Variants in NPR3 observed in about 807,000 individuals in gnomAD.
The protein encoded by NPR3 is natriuretic peptide receptor 3.
In NPR3, 34 loss-of-function variants were observed where a neutral mutation model predicts 54.5. That is an observed-to-expected ratio of 0.62 (90% CI 0.47 to 0.83). The LOEUF is 0.83. Among genes scored for constraint, NPR3 ranks in the 40% least tolerant of loss-of-function variants. The pLI is 0.00. For synonymous variants in NPR3, 289 were observed against 297.1 expected (o/e 0.97, Z 0.28); for missense variants, 674 against 720.8 (o/e 0.94, Z 0.74).
At chr5:32,736,123 C>T (rs1031825926) in intron 2 of NPR3, among the ~76,000 whole-genome samples, 6 of 149,468 alleles carry the variant, frequency 4.0e-5, no homozygotes, top group Admixed American at 6.7e-5. Flanking sequence ...CCCAGCTACT[C>T]GGGAGGCTGA....
intron 2 of NPR3, among the ~76,000 whole-genome samples, chr5:32,728,860 T>TATATATATATATAC (rs1739291836): frequency 7.6e-6 from 1 of 131,500 alleles, no homozygotes; most frequent in Non-Finnish European, 1.6e-5. Flanking sequence ...TATATATATA[T>TATATATATATATAC]ATATATATAT....
rs1030937527 is a variant in NPR3, at chr5:32,786,445, C to T, written c.*100C>T. ...ACAGAAGGGGCGTTCTTGAAGAATT[C>T]ATAATTTTAAGCAGTTAGTAATTTC... On this transcript the variant is annotated 3_prime_UTR_variant, in exon 8 of 8. Transcript: ENST00000265074. 4.6e-6 allele frequency: 3 copies of T among 653,520 alleles called. No homozygotes were observed. The highest frequency in any genetic ancestry group is 8.2e-6 in the Non-Finnish European group (3 of 366,540). 40.5% of individuals were successfully genotyped at this position (653,520 alleles called of 1,614,324 possible). A position where few individuals can be genotyped will look rare whatever the true frequency, so the allele number is the denominator to read the frequency against.
chr5:32,721,471 T>C (rs538191099), intron 1 of NPR3, among the ~76,000 whole-genome samples: 79 of 152,090 alleles, frequency 5.2e-4, no homozygotes, highest in Non-Finnish European at 9.0e-4. Context: ...GACAAAACTC[T>C]ATCTATACAA....
chr5:32,706,896 A>G (rs1356171398), upstream of NPR3, among the ~76,000 whole-genome samples: 1 of 152,186 alleles, frequency 6.6e-6, no homozygotes, highest in East Asian at 1.9e-4. Flanking sequence ...AGTGTCTTGA[A>G]CTTGATGAAT....
intron 1 of NPR3, among the ~76,000 whole-genome samples, chr5:32,695,389 G>T (rs971911437): frequency 6.6e-6 from 1 of 152,024 alleles, no homozygotes; most frequent in South Asian, 2.1e-4. Context: ...CTCAGCCTCC[G>T]GACTAGCTGG....
intron 3 of NPR3, among the ~76,000 whole-genome samples, chr5:32,749,004 A>G (rs544262426): frequency 3.3e-5 from 5 of 152,228 alleles, no homozygotes; most frequent in African/African-American, 1.2e-4. Context: ...TTTAATTTCC[A>G]AGAGCTCTCT....
rs1251838391 is a variant in NPR3, at chr5:32,711,914, G to C, written c.138G>C (p.Glu46Asp). Residue 46 changes from glutamate (E) to aspartate (D), a missense_variant, in exon 1 of 8, where the codon GAG becomes GAC. By Grantham distance (45) the Glu-to-Asp change is conservative. Coordinates refer to ENST00000265074, the MANE Select transcript of NPR3 (RefSeq NM_001204375.2). ...TAGGCGGCGGACGCCAGGAGAGAGA[G>C]GCGCTGCCGCCACAGAAGATCGAGG... ...AGIGGGRQER[E>D]ALPPQKIEVL... The C allele has an allele frequency of 2.0e-6, 3 of 1,493,628 alleles. No homozygotes were observed. Among genetic ancestry groups the C allele is most frequent in the Non-Finnish European group, 2.7e-6 (3 of 1,119,898 alleles). 92.5% of individuals were successfully genotyped at this position (1,493,628 alleles called of 1,614,324 possible). A position where few individuals can be genotyped will look rare whatever the true frequency, so the allele number is the denominator to read the frequency against.
intron 1 of NPR3, among the ~76,000 whole-genome samples, chr5:32,692,858 C>T (rs1454412841): frequency 2.6e-5 from 4 of 152,150 alleles, no homozygotes; most frequent in African/African-American, 4.8e-5. Flanking sequence ...TGGTGGCTCA[C>T]GCCGGTAATC....
chr5:32,696,773 A>G (rs1371799591), intron 1 of NPR3, among the ~76,000 whole-genome samples: 1 of 151,900 alleles, frequency 6.6e-6, no homozygotes, highest in Non-Finnish European at 1.5e-5. Flanking sequence ...AAGCGGGATT[A>G]CTCTCTTGAT....
chr5:32,774,959 C>G (rs915231362), intron 4 of NPR3, 116 bp downstream of exon 4: 3 of 779,104 alleles, frequency 3.9e-6, no homozygotes, highest in African/African-American at 3.4e-5. Flanking sequence ...TTTCTCAGCT[C>G]TAAAGCAGCC....
At chr5:32,695,352 C>T (rs995992775) in intron 1 of NPR3, among the ~76,000 whole-genome samples, 1 of 152,196 alleles carries the variant, frequency 6.6e-6, no homozygotes, top group Admixed American at 6.5e-5. Flanking sequence ...GCAAGCTCCG[C>T]CTGCTGGGTT....
chr5:32,713,215 C>T, intron 1 of NPR3: 1 of 985,448 alleles, frequency 1.0e-6, no homozygotes, highest in Non-Finnish European at 1.2e-6. Flanking sequence ...TGTTCTGCAA[C>T]GCAGTTTCTA....
intron 1 of NPR3, among the ~76,000 whole-genome samples, chr5:32,700,814 G>A (rs1414268741): frequency 6.6e-6 from 1 of 152,134 alleles, no homozygotes; most frequent in Non-Finnish European, 1.5e-5. Flanking sequence ...CATTTGGATT[G>A]GTTCCAAGTC....
intron 2 of NPR3, among the ~76,000 whole-genome samples, chr5:32,729,149 C>T (rs1229905296): frequency 5.3e-5 from 8 of 149,586 alleles, no homozygotes; most frequent in Non-Finnish European, 1.5e-5. Flanking sequence ...CCTGCCTCAG[C>T]CTCCCAAGTA....
intron 1 of NPR3, among the ~76,000 whole-genome samples, chr5:32,699,133 A>G (rs1354121759): frequency 1.3e-5 from 2 of 151,898 alleles, no homozygotes; most frequent in African/African-American, 4.8e-5. Context: ...TTTTTTATGT[A>G]TGTGTTGTAT....
upstream of NPR3, chr5:32,710,808 T>C: frequency 2.7e-6 from 4 of 1,502,244 alleles, no homozygotes; most frequent in East Asian, 2.6e-5. Flanking sequence ...CACCTAAGGA[T>C]TTTTGCACCG....
At chr5:32,783,056 T>C (rs1279832134) in intron 6 of NPR3, 28 bp downstream of exon 6, 1 of 1,581,214 alleles carries the variant, frequency 6.3e-7, no homozygotes, top group Admixed American at 1.8e-5. Flanking sequence ...ATTTGCTATG[T>C]ATGTCATCAC....
At position 32,711,848 on chromosome 5, in the gene NPR3, C is replaced by T. The variant is rs957860113; in HGVS notation, c.72C>T (p.Thr24=). 50 of 1,461,804 alleles carry T rather than the reference C, an allele frequency of 3.4e-5. No individual in the cohort carries two copies. Among genetic ancestry groups the T allele is most frequent in the Non-Finnish European group, 3.9e-5 (43 of 1,109,170 alleles). 90.6% of individuals were successfully genotyped at this position (1,461,804 alleles called of 1,614,324 possible). A position where few individuals can be genotyped will look rare whatever the true frequency, so the allele number is the denominator to read the frequency against. Residue 24 remains threonine, a synonymous_variant, in exon 1 of 8, where the codon ACC becomes ACT. Transcript: ENST00000265074. ...LLGWALLAGG[T]GGGGVGGGGG... is the part of the protein sequence containing the mutation. ...GCTGGGCGTTGCTGGCCGGCGGCAC[C>T]GGTGGCGGTGGCGTTGGCGGCGGCG...
In NPR3 at chr5:32,712,349, G is replaced by A; in HGVS notation, c.573G>A (p.Leu191=). ...YAKMGEMMLA[L]FRHHHWSRAA... is the part of the protein sequence containing the mutation. Reference sequence around the variant, plus strand: ...AGATGGGCGAGATGATGCTCGCCCTGTTCCGCCACCACCACTGGAGCCGCG... The same window carrying A: ...AGATGGGCGAGATGATGCTCGCCCTATTCCGCCACCACCACTGGAGCCGCG... The change falls in exon 1 of 8, where the codon CTG becomes CTA. Residue 191 remains leucine, a synonymous_variant. Transcript: ENST00000265074. 1 of 1,612,986 alleles carries A rather than the reference G, an allele frequency of 6.2e-7. No individual in the cohort carries two copies. Among genetic ancestry groups the A allele is most frequent in the Non-Finnish European group, 8.5e-7 (1 of 1,179,324 alleles).
Sources: allele counts gnomAD v4.1 joint callset (sites outside exome capture counted in the v4.1 genomes callset), GRCh38; gene constraint gnomAD v4.1.1; transcripts MANE v1.5; gene names NCBI Gene and HGNC (gene_info 2026-07-23, HGNC 2026-07-21).